ABR: variants seen among roughly 807,000 people sequenced by gnomAD.
ABR encodes the protein ABR activator of RhoGEF and GTPase, also known as active breakpoint cluster region-related protein.
In ABR, 35 loss-of-function variants were observed where a neutral mutation model predicts 107.2. That is an observed-to-expected ratio of 0.33 (90% CI 0.25 to 0.43). The LOEUF (loss-of-function observed/expected upper bound fraction) is 0.43. ABR is among the 20% of genes least tolerant of loss of function. The pLI, the probability that ABR is intolerant of heterozygous loss-of-function variation, is 1.00. For missense variants in ABR, 815 were observed against 1,115.2 expected (o/e 0.73, Z 3.83); for synonymous variants, 498 against 462.0 (o/e 1.08, Z -1.00).
At chr17:1,029,723 G>A (rs552007581) in intron 16 of ABR, among the ~76,000 whole-genome samples, 1 of 152,196 alleles carries the variant, frequency 6.6e-6, no homozygotes, top group African/African-American at 2.4e-5. Flanking sequence ...CAAGAGGCCT[G>A]GCCCTTTGAC....
At chr17:1,136,132 C>T (rs2040052513) in intron 1 of ABR, among the ~76,000 whole-genome samples, 1 of 152,176 alleles carries the variant, frequency 6.6e-6, no homozygotes, top group Non-Finnish European at 1.5e-5. Flanking sequence ...GGCACGGATC[C>T]CTTTTCTAGG....
intron 9 of ABR, among the ~76,000 whole-genome samples, chr17:1,067,502 G>A (rs1260323986): frequency 6.6e-6 from 1 of 152,198 alleles, no homozygotes; most frequent in Non-Finnish European, 1.5e-5. Flanking sequence ...GACTCATGTT[G>A]TCAAACATCC....
chr17:1,188,962 T>C (rs939034280), upstream of ABR, among the ~76,000 whole-genome samples: 4 of 152,198 alleles, frequency 2.6e-5, no homozygotes, highest in Non-Finnish European at 4.4e-5. Context: ...AAATTTTCCA[T>C]AAAGCACTTT....
rs546986123 is a variant in ABR, at chr17:1,033,790, T to C, written c.1791+16260A>G. ...GGGGAGGTGGAGAGACGGACGGAGG[T>C]AGGAACATGCCTGTGTCCCCTAACT... On this transcript the variant is annotated intron_variant, in intron 16 of 22. Transcript: ENST00000302538. Among the ~76,000 whole-genome samples the C allele has an allele frequency of 3.3e-5, 5 of 151,858 alleles. No individual in the cohort carries two copies. In the South Asian group the frequency reaches 1.0e-3, roughly 32 times the overall value.
intron 2 of ABR, among the ~76,000 whole-genome samples, chr17:1,112,605 G>A (rs1251968256): frequency 1.8e-5 from 2 of 108,784 alleles, no homozygotes; most frequent in African/African-American, 4.0e-5. Flanking sequence ...TTGAGGGAGG[G>A]AGGGAGGGAG....
At chr17:1,090,876 C>T (rs997526395) in intron 4 of ABR, among the ~76,000 whole-genome samples, 2 of 152,188 alleles carry the variant, frequency 1.3e-5, no homozygotes, top group South Asian at 2.1e-4. Context: ...TCAGACGTTA[C>T]GTAGCAGAGG....
chr17:1,024,233 CGAG>C (rs568698813), intron 16 of ABR, among the ~76,000 whole-genome samples: 88 of 152,222 alleles, frequency 5.8e-4, no homozygotes, highest in Non-Finnish European at 1.1e-3. Flanking sequence ...GTGGCGTCGT[CGAG>C]AAGAACCGTC....
At chr17:1,076,325 G>A (rs1033854956) in intron 6 of ABR, among the ~76,000 whole-genome samples, 3 of 152,088 alleles carry the variant, frequency 2.0e-5, no homozygotes, top group African/African-American at 4.8e-5. Flanking sequence ...GGGTATCCTC[G>A]GCACTGAGGG....
chr17:1,040,582 G>T (rs1040295954), intron 16 of ABR, among the ~76,000 whole-genome samples: 2 of 152,190 alleles, frequency 1.3e-5, no homozygotes, highest in African/African-American at 4.8e-5. Flanking sequence ...CAAAGGCCCC[G>T]ACCCAGGGGA....
In ABR at chr17:1,065,905, C is replaced by T. The variant is rs1392247063; in HGVS notation, c.1182+1172G>A. On this transcript the variant is annotated intron_variant, in intron 10 of 22. Coordinates refer to ENST00000302538, the MANE Select transcript of ABR (RefSeq NM_021962.5). Reference sequence around the variant, plus strand: ...GGATTACAGGCGGAAGCCACCACGCCAGGCTAATTTTGTATTTTCAGTAGA... The same window carrying T: ...GGATTACAGGCGGAAGCCACCACGCTAGGCTAATTTTGTATTTTCAGTAGA... 2.0e-5 allele frequency among the ~76,000 whole-genome samples: 3 copies of T among 152,036 alleles called. No homozygotes were observed. In the East Asian group the frequency reaches 5.8e-4, roughly 29 times the overall value.
At chr17:1,112,162 C>G (rs1597854580) in intron 2 of ABR, among the ~76,000 whole-genome samples, 1 of 152,322 alleles carries the variant, frequency 6.6e-6, no homozygotes. Flanking sequence ...TCTGTCTGTT[C>G]ATTCATTCAT....
In ABR at chr17:1,091,864, AG is replaced by A. The variant is rs2037053252; in HGVS notation, c.346-15del. 1 of 1,609,074 alleles carries A rather than the reference AG, an allele frequency of 6.2e-7. No homozygotes were observed. Among genetic ancestry groups the A allele is most frequent in the Non-Finnish European group, 8.5e-7 (1 of 1,177,276 alleles). ...GGGTTTCATGGGCTGGGAGAAACAG[AG>A]GAAGAAAGAGCAGAGGTCGGGGGTA... On this transcript the variant is annotated splice_polypyrimidine_tract_variant and intron_variant, in intron 3 of 22. Transcript: ENST00000302538.
chr17:1,041,523 A>C (rs1170595702), intron 16 of ABR, among the ~76,000 whole-genome samples: 3 of 151,900 alleles, frequency 2.0e-5, no homozygotes, highest in African/African-American at 7.2e-5. Flanking sequence ...TCACAAGGTC[A>C]GGAGTTCGAG....
upstream of ABR, among the ~76,000 whole-genome samples, chr17:1,190,913 G>A (rs1041296394): frequency 4.6e-5 from 7 of 152,368 alleles, no homozygotes; most frequent in East Asian, 1.9e-4. Flanking sequence ...TCAATGATGG[G>A]AGAAATATGA....
chr17:1,203,486 G>A lies in ABR; in HGVS notation c.838+25307C>T, dbSNP rs1215208843. ...CGGGGACGGAGTCTGCGGGGGCGGG[G>A]CCCGCGGGGACGGAGTCTGCGGGGG... On this transcript the variant is annotated intron_variant, in intron 1 of 22. Transcript: ENST00000574139. Among the ~76,000 whole-genome samples the A allele has an allele frequency of 8.9e-5, 8 of 89,570 alleles. 1 individual carries two copies. The East Asian group carries it at 2.7e-3, about 30-fold the overall frequency. 58.8% of individuals were successfully genotyped at this position (89,570 alleles called of 152,430 possible).
Position 1,058,780 on chromosome 17 carries a change from T to G in ABR, c.1270A>C (p.Thr424Pro). ...CGATTGTGGATCCTGAACGGGATTG[T>G]GGGGGAGTTGAGCAGCAGCAGGAAC... ...NEFLLLLNSP[T>P]IPFRIHNRNG... is the part of the protein sequence containing the mutation. The change falls in exon 11 of 23, where the codon ACA becomes CCA. Residue 424 changes from threonine to proline, a missense_variant. Thr to Pro is a conservative substitution (Grantham distance 38). Transcript: ENST00000302538. 1 of 1,613,958 alleles carries G rather than the reference T, an allele frequency of 6.2e-7. No individual in the cohort carries two copies. The highest frequency in any genetic ancestry group is 8.5e-7 in the Non-Finnish European group (1 of 1,179,986).
At chr17:1,014,060 CTAAAA>C (rs1485364073) in intron 16 of ABR, among the ~76,000 whole-genome samples, 4 of 152,192 alleles carry the variant, frequency 2.6e-5, no homozygotes, top group Non-Finnish European at 4.4e-5. Context: ...TATTGCCATC[CTAAAA>C]TAAAAGTGTG....
rs199901916 is a variant in ABR, at chr17:1,065,739, AT to A, written c.1182+1337del. On this transcript the variant is annotated intron_variant, in intron 10 of 22. Coordinates refer to ENST00000302538, the MANE Select transcript of ABR (RefSeq NM_021962.5). Reference sequence around the variant, plus strand: ...TTGTCAGTTTGAACTTTCCAAACCAATGCTTTTTTTTTTTTTTTTTTTTTTT... The same window carrying A: ...TTGTCAGTTTGAACTTTCCAAACCAAGCTTTTTTTTTTTTTTTTTTTTTTT... 4.8e-3 allele frequency among the ~76,000 whole-genome samples: 599 copies of A among 125,582 alleles called. 7 individuals carry two copies. Among genetic ancestry groups the A allele is most frequent in the African/African-American group, 0.017 (572 of 33,124 alleles). 82.4% of individuals were successfully genotyped at this position (125,582 alleles called of 152,430 possible). A position where few individuals can be genotyped will look rare whatever the true frequency, so the allele number is the denominator to read the frequency against.
chr17:1,072,642 C>T lies in ABR; in HGVS notation c.866G>A (p.Arg289Gln), dbSNP rs566755443. ...SSINEDIDPR[R>Q]TAVTTPKGET... Reference sequence around the variant, plus strand: ...CCCCTTGGGCGTTGTCACTGCAGTCCGGCGGGGGTCGATGTCCTCGTTGAT... The same window carrying T: ...CCCCTTGGGCGTTGTCACTGCAGTCTGGCGGGGGTCGATGTCCTCGTTGAT... Residue 289 changes from arginine to glutamine, a missense_variant, in exon 8 of 23, where the codon CGG becomes CAG. Around this residue, in one of 5 missense-constraint regions of ABR, gnomAD observed 385 missense variants for 596.9 expected, o/e 0.64. Coordinates refer to ENST00000302538, the MANE Select transcript of ABR (RefSeq NM_021962.5). The T allele has an allele frequency of 2.7e-5, 44 of 1,610,940 alleles. 1 individual carries two copies. Among genetic ancestry groups the T allele is most frequent in the South Asian group, 1.9e-4 (17 of 90,562 alleles).
Sources: allele counts gnomAD v4.1 joint callset (sites outside exome capture counted in the v4.1 genomes callset), GRCh38; gene constraint gnomAD v4.1.1; regional missense constraint gnomAD v4.1.1; transcripts MANE v1.5; gene names NCBI Gene and HGNC (gene_info 2026-07-23, HGNC 2026-07-21).